FOXN3: variants seen among roughly 807,000 people sequenced by gnomAD.
FOXN3 encodes the protein forkhead box protein N3.
Under a neutral mutation model 38.4 loss-of-function variants are expected in FOXN3, and 7 were observed. The ratio of observed to expected loss-of-function variants is 0.18; its 90% CI spans 0.10 to 0.34. The LOEUF (loss-of-function observed/expected upper bound fraction) is 0.34. Among genes scored for constraint, FOXN3 ranks in the 10% least tolerant of loss-of-function variants. The pLI, the probability that FOXN3 is intolerant of heterozygous loss-of-function variation, is 1.00. For missense variants in FOXN3, 456 were observed against 613.4 expected (o/e 0.74, Z 2.71); for synonymous variants, 230 against 242.2 (o/e 0.95, Z 0.47).
intron 2 of FOXN3, among the ~76,000 whole-genome samples, chr14:89,387,211 G>A (rs1396145256): frequency 6.6e-6 from 1 of 152,166 alleles, no homozygotes. Context: ...AGCCGAGATC[G>A]TGCCACTGCA....
chr14:89,359,678 C>A (rs1889378741), intron 2 of FOXN3, among the ~76,000 whole-genome samples: 1 of 152,172 alleles, frequency 6.6e-6, no homozygotes, highest in South Asian at 2.1e-4. Flanking sequence ...GATGCTCCGG[C>A]CGGTATGGCA....
Position 89,187,317 on chromosome 14 carries a change from A to C in FOXN3, c.746-6511T>G, listed in dbSNP as rs1169769832. On this transcript the variant is annotated intron_variant, in intron 4 of 5. Transcript: ENST00000557258. ...ATAGCACCAGCCCACGGGGGAATAC[A>C]GGCAGGCTCTGCGCAGACAGGAAAT... is the stretch of plus-strand genomic sequence containing the variant. Among the ~76,000 whole-genome samples the C allele has an allele frequency of 2.6e-5, 4 of 152,324 alleles. No individual in the cohort carries two copies. In the East Asian group the frequency reaches 7.7e-4, roughly 29 times the overall value.
At chr14:89,294,051 G>T (rs921247540) in intron 3 of FOXN3, among the ~76,000 whole-genome samples, 1 of 151,920 alleles carries the variant, frequency 6.6e-6, no homozygotes. Flanking sequence ...CCTCAGCTAC[G>T]TCCCTGCCTC....
At chr14:89,496,021 T>A (rs531877418) in intron 1 of FOXN3, among the ~76,000 whole-genome samples, 1 of 152,278 alleles carries the variant, frequency 6.6e-6, no homozygotes, top group South Asian at 2.1e-4. Context: ...GAGAACAGCT[T>A]GGCCAACGTG....
chr14:89,442,314 G>T (rs1284352869), intron 1 of FOXN3, among the ~76,000 whole-genome samples: 1 of 152,072 alleles, frequency 6.6e-6, no homozygotes, highest in African/African-American at 2.4e-5. Context: ...CCACTTTCAG[G>T]CAGTAATAGT....
chr14:89,332,355 C>T (rs1888275188), intron 3 of FOXN3, among the ~76,000 whole-genome samples: 1 of 152,068 alleles, frequency 6.6e-6, no homozygotes, highest in Non-Finnish European at 1.5e-5. Context: ...ATTTTAAGCT[C>T]ACAACAAAAG....
Position 89,162,461 on chromosome 14 carries a change from G to C in FOXN3, c.1360C>G (p.Arg454Gly). Residue 454 changes from arginine (R) to glycine (G), a missense_variant, in exon 6 of 6, where the codon CGG (arginine) becomes GGG (glycine). Arg to Gly is a moderately radical substitution (Grantham distance 125). Around this residue, in one of 3 missense-constraint regions of FOXN3, gnomAD observed 386 missense variants for 505.2 expected, o/e 0.76. Coordinates refer to ENST00000557258, the MANE Select transcript of FOXN3 (RefSeq NM_005197.4). This position sits in a 1 kb window ranked among gnomAD's most constrained non-coding sequence, Gnocchi z 7.2. The stretch of plus-strand genomic sequence containing the variant: ...TGCTCTTTCTGCCCCTTTGCCGTCC[G>C]ATTGGTGATGTTATTCAAACAGGAC... ...IRSCLNNITN[R>G]TAKGQKEQKE... 1 of 1,596,202 alleles carries C rather than the reference G, an allele frequency of 6.3e-7. No individual in the cohort carries two copies. The highest frequency in any genetic ancestry group is 8.5e-7 in the Non-Finnish European group (1 of 1,171,840).
chr14:89,488,361 C>G (rs1279015867), intron 1 of FOXN3, among the ~76,000 whole-genome samples: 4 of 151,818 alleles, frequency 2.6e-5, no homozygotes, highest in African/African-American at 9.7e-5. Flanking sequence ...TAATTAATGT[C>G]TGGGCCAGGC....
At chr14:89,311,781 A>G (rs993411816) in intron 3 of FOXN3, among the ~76,000 whole-genome samples, 7 of 152,128 alleles carry the variant, frequency 4.6e-5, no homozygotes, top group Non-Finnish European at 7.4e-5. Context: ...AGTTGAGATC[A>G]CGCCACTGCA....
chr14:89,328,183 G>T (rs1368254452), intron 3 of FOXN3, among the ~76,000 whole-genome samples: 1 of 152,250 alleles, frequency 6.6e-6, no homozygotes, highest in Non-Finnish European at 1.5e-5. Context: ...AACTGGAGGT[G>T]TACGCTCTGA....
intron 4 of FOXN3, among the ~76,000 whole-genome samples, chr14:89,207,008 A>G (rs1046308308): frequency 6.6e-6 from 1 of 152,154 alleles, no homozygotes; most frequent in Non-Finnish European, 1.5e-5. Flanking sequence ...TTCTTTAACA[A>G]TAAGAACAAC....
chr14:89,345,815 G>T (rs891924672), intron 3 of FOXN3, among the ~76,000 whole-genome samples: 1 of 152,220 alleles, frequency 6.6e-6, no homozygotes, highest in Non-Finnish European at 1.5e-5. Context: ...CCCACTTAGG[G>T]AGACCGAGGT....
chr14:89,169,413 C>T (rs1887328590), intron 5 of FOXN3, among the ~76,000 whole-genome samples: 1 of 152,052 alleles, frequency 6.6e-6, no homozygotes. Flanking sequence ...TGCACTCCAG[C>T]CTGGGCAACA....
chr14:89,203,818 C>T (rs1175459084), intron 4 of FOXN3, among the ~76,000 whole-genome samples: 1 of 152,008 alleles, frequency 6.6e-6, no homozygotes, highest in Non-Finnish European at 1.5e-5. Context: ...GGTCCTCATC[C>T]ACCCAGAGCA....
At chr14:89,369,378 C>A (rs1301014265) in intron 2 of FOXN3, among the ~76,000 whole-genome samples, 1 of 152,142 alleles carries the variant, frequency 6.6e-6, no homozygotes, top group Non-Finnish European at 1.5e-5. Context: ...TAACTTACAA[C>A]CGACCATGTG....
At chr14:89,596,071 A>G (rs1000364686) in intron 1 of FOXN3, among the ~76,000 whole-genome samples, 1 of 152,164 alleles carries the variant, frequency 6.6e-6, no homozygotes, top group Non-Finnish European at 1.5e-5. Context: ...ATGATGGAGT[A>G]ATTTATTGCT....
intron 4 of FOXN3, among the ~76,000 whole-genome samples, chr14:89,189,590 A>G (rs1227120851): frequency 6.6e-6 from 1 of 152,236 alleles, no homozygotes; most frequent in East Asian, 1.9e-4. Context: ...GGATGTGGGC[A>G]CTGGTACTGA....
At chr14:89,379,143 G>A (rs901957781) in intron 2 of FOXN3, among the ~76,000 whole-genome samples, 6 of 152,182 alleles carry the variant, frequency 3.9e-5, no homozygotes, top group African/African-American at 1.4e-4. Flanking sequence ...ACTAAACTCA[G>A]ACGGGAAGAG....
At chr14:89,457,699 A>T (rs1892754538) in intron 1 of FOXN3, among the ~76,000 whole-genome samples, 1 of 152,150 alleles carries the variant, frequency 6.6e-6, no homozygotes, top group African/African-American at 2.4e-5. Context: ...TTAATCATAC[A>T]ATCGTTTGGG....
Sources: allele counts gnomAD v4.1 joint callset (sites outside exome capture counted in the v4.1 genomes callset), GRCh38; gene constraint gnomAD v4.1.1; regional missense constraint gnomAD v4.1.1; non-coding constraint Gnocchi (gnomAD v3.1); transcripts MANE v1.5; gene names NCBI Gene and HGNC (gene_info 2026-07-23, HGNC 2026-07-21).